The following CAPRIN2 variants were observed in gnomAD, a reference collection of about 807,000 sequenced individuals.
CAPRIN2 encodes the protein caprin-2.
CAPRIN2 carries 66 observed loss-of-function variants against 130.4 expected under a neutral mutation model. That is an observed-to-expected ratio of 0.51 (90% CI 0.42 to 0.62). The LOEUF is 0.62. Ranked by LOEUF, CAPRIN2 falls within the 20% of genes least tolerant of loss-of-function variation. The pLI is 0.00. For missense variants in CAPRIN2, 1,185 were observed against 1,246.6 expected, an observed-to-expected ratio of 0.95 and a Z score of 0.74; for synonymous variants, 471 against 444.1, an observed-to-expected ratio of 1.06 and a Z score of -0.76.
chr12:30,735,328 C>T, intron 3 of CAPRIN2, 122 bp from the exon 5 acceptor site: 1 of 780,842 alleles, frequency 1.3e-6, no homozygotes, highest in Non-Finnish European at 2.2e-6. Context: ...GACTGTCAAA[C>T]TACCAGTTTA....
At position 30,730,238 on chromosome 12, in the gene CAPRIN2, C is replaced by A. The variant is rs1419362645; in HGVS notation, c.1104+1G>T. On this transcript the variant is annotated splice_donor_variant, in intron 7 of 16. Transcript: ENST00000298892. LOFTEE classifies it high-confidence loss of function. ...CAGCAAATTGTCTTTCAGTATCTTA[C>A]CTCTTGTGGTTGTATCTCTGGCTGG... is the stretch of plus-strand genomic sequence containing the variant. 1 of 1,609,390 alleles carries A rather than the reference C, an allele frequency of 6.2e-7. No homozygotes were observed. Among genetic ancestry groups the A allele is most frequent in the African/African-American group, 1.3e-5 (1 of 74,796 alleles).
At chr12:30,711,768 A>T (rs1280997541) in intron 15 of CAPRIN2, 139 bp from the exon 18 acceptor site, 1 of 734,790 alleles carries the variant, frequency 1.4e-6, no homozygotes. Context: ...AAAGAGGCTC[A>T]GATGTTTCCA....
chr12:30,728,836 G>A (rs2061708405), exon 8 of CAPRIN2: 2 of 1,614,154 alleles, frequency 1.2e-6, no homozygotes, highest in African/African-American at 1.3e-5. Context: ...TCACACATGG[G>A]AGTGGTCCAT....
chr12:30,718,909 T>C (rs1203065443), intron 12 of CAPRIN2, among the ~76,000 whole-genome samples, 170 bp downstream of exon 14: 1 of 152,268 alleles, frequency 6.6e-6, no homozygotes, highest in Non-Finnish European at 1.5e-5. Context: ...GTGGATTTCC[T>C]ATTCTTCTGC....
At chr12:30,730,180 A>G in intron 7 of CAPRIN2, 59 bp downstream of exon 8, 1 of 1,385,194 alleles carries the variant, frequency 7.2e-7, no homozygotes, top group South Asian at 1.2e-5. Context: ...GCTTCCAACC[A>G]TAACCCTATG....
chr12:30,753,837 G>T, exon 1 of CAPRIN2: 1 of 1,435,834 alleles, frequency 7.0e-7, no homozygotes, highest in Non-Finnish European at 9.3e-7. Flanking sequence ...CCAATACGGA[G>T]GATGTTTCCA....
At chr12:30,717,029 T>C (rs548553005) in intron 12 of CAPRIN2, among the ~76,000 whole-genome samples, 1 of 152,314 alleles carries the variant, frequency 6.6e-6, no homozygotes, top group African/African-American at 2.4e-5. Flanking sequence ...GAAAACAGTA[T>C]GCTGCCTTTT....
At chr12:30,719,098 G>T in intron 12 of CAPRIN2, 1 of 1,613,780 alleles carries the variant, frequency 6.2e-7, no homozygotes, top group Non-Finnish European at 8.5e-7. Context: ...GGCTTGAAAG[G>T]GTGCTGTGTT....
intron 3 of CAPRIN2, among the ~76,000 whole-genome samples, chr12:30,738,978 T>C (rs761908640): frequency 6.6e-6 from 1 of 152,198 alleles, no homozygotes; most frequent in Non-Finnish European, 1.5e-5. Context: ...GGTCAACCAT[T>C]GTGGAAAGCA....
At chr12:30,717,387 G>A (rs1209797035) in intron 12 of CAPRIN2, among the ~76,000 whole-genome samples, 2 of 152,186 alleles carry the variant, frequency 1.3e-5, no homozygotes, top group Admixed American at 6.5e-5. Flanking sequence ...ATTCATAGAA[G>A]CGAAGTAGAA....
intron 12 of CAPRIN2, chr12:30,720,021 T>A (rs1490920262): frequency 6.6e-6 from 1 of 152,250 alleles, no homozygotes; most frequent in Non-Finnish European, 1.5e-5. Flanking sequence ...AAGGATTTAC[T>A]CAAACTTAGT....
At chr12:30,734,926 T>A in intron 4 of CAPRIN2, 42 bp downstream of exon 5, 1 of 1,312,794 alleles carries the variant, frequency 7.6e-7, no homozygotes, top group South Asian at 1.2e-5. Context: ...AAAGCTAAAG[T>A]GTCAAGTGTT....
chr12:30,735,680 A>G (rs1718114189), intron 3 of CAPRIN2, among the ~76,000 whole-genome samples: 1 of 152,228 alleles, frequency 6.6e-6, no homozygotes, highest in Admixed American at 6.5e-5. Flanking sequence ...CAGACATAAA[A>G]TGTCTTCCAA....
intron 1 of CAPRIN2, among the ~76,000 whole-genome samples, chr12:30,752,371 A>G (rs917014268): frequency 7.9e-5 from 12 of 152,150 alleles, no homozygotes; most frequent in African/African-American, 2.9e-4. Context: ...GAGCATAAGC[A>G]TACATATATG....
exon 14 of CAPRIN2, chr12:30,715,089 A>G: frequency 1.2e-6 from 2 of 1,614,088 alleles, no homozygotes; most frequent in Non-Finnish European, 1.7e-6. Context: ...GTGCTGGGTA[A>G]AAGGCAAGGC....
chr12:30,733,147 G>A (rs539120283), intron 5 of CAPRIN2, among the ~76,000 whole-genome samples: 1 of 151,918 alleles, frequency 6.6e-6, no homozygotes. Context: ...TTGGTCATTT[G>A]GCCAAAGTCT....
exon 9 of CAPRIN2, chr12:30,726,065 A>G (rs568099697): frequency 1.9e-6 from 3 of 1,581,450 alleles, no homozygotes; most frequent in Non-Finnish European, 2.6e-6. Context: ...AAGAACCTAC[A>G]GGCTGATGCA....
At chr12:30,711,932 T>G in intron 15 of CAPRIN2, 1 of 492,222 alleles carries the variant, frequency 2.0e-6, no homozygotes, top group Admixed American at 2.6e-5. Context: ...AGAGAAATTT[T>G]TAAATGTGGC....
intron 3 of CAPRIN2, among the ~76,000 whole-genome samples, chr12:30,738,965 T>G (rs1264821660): frequency 6.6e-6 from 1 of 152,194 alleles, no homozygotes; most frequent in Non-Finnish European, 1.5e-5. Flanking sequence ...AGAGTGTAAA[T>G]TAGGTCAACC....
Sources: allele counts gnomAD v4.1 joint callset (sites outside exome capture counted in the v4.1 genomes callset), GRCh38; gene constraint gnomAD v4.1.1; transcripts MANE v1.5; gene names NCBI Gene and HGNC (gene_info 2026-07-23, HGNC 2026-07-21).